Variants in ANKRD13C observed in about 807,000 individuals in gnomAD.
The protein encoded by ANKRD13C is ankyrin repeat domain-containing protein 13C.
A neutral mutation model predicts 65.5 loss-of-function variants in ANKRD13C; 16 were observed. The ratio of observed to expected loss-of-function variants is 0.24; its 90% CI spans 0.17 to 0.37. The LOEUF (loss-of-function observed/expected upper bound fraction) is 0.37, where lower values mean the gene tolerates loss of function less well. ANKRD13C is among the 10% of genes least tolerant of loss of function. The pLI is 1.00. For missense variants in ANKRD13C, 503 were observed against 655.9 expected, an observed-to-expected ratio of 0.77 and a Z score of 2.55; for synonymous variants, 235 against 238.7, an observed-to-expected ratio of 0.98 and a Z score of 0.14.
intron 4 of ANKRD13C, among the ~76,000 whole-genome samples, chr1:70,314,030 A>C (rs1401397958): frequency 1.3e-5 from 2 of 151,762 alleles, no homozygotes; most frequent in Non-Finnish European, 2.9e-5. Context: ...AAATAACAAT[A>C]ATAATAAATA....
chr1:70,349,546 TA>T (rs1682661867), intron 1 of ANKRD13C, among the ~76,000 whole-genome samples: 1 of 150,354 alleles, frequency 6.7e-6, no homozygotes, highest in African/African-American at 2.4e-5. Flanking sequence ...ACCACAAAAG[TA>T]AAAGCTCTAT....
At chr1:70,274,498 A>G (rs1167982992) in intron 11 of ANKRD13C, among the ~76,000 whole-genome samples, 2 of 142,888 alleles carry the variant, frequency 1.4e-5, no homozygotes, top group Non-Finnish European at 3.0e-5. Flanking sequence ...AAAAAAAAAG[A>G]AAGAAAGAAA....
rs1423371773 is a variant in ANKRD13C, at chr1:70,279,490, T to C, written c.1216-2646A>G. 1.3e-5 allele frequency among the ~76,000 whole-genome samples: 2 copies of C among 151,188 alleles called. 1 individual carries two copies. The highest frequency in any genetic ancestry group is 4.2e-4 in the South Asian group (2 of 4,786). The stretch of plus-strand genomic sequence containing the variant: ...ATATAAGTAGAGTTCTAAGCCACTA[T>C]TTTGAGCTACTTTTTTTTTTTTTTT... On this transcript the variant is annotated intron_variant, in intron 9 of 12. Coordinates refer to ENST00000370944, the MANE Select transcript of ANKRD13C (RefSeq NM_030816.5).
intron 3 of ANKRD13C, among the ~76,000 whole-genome samples, chr1:70,318,738 A>C (rs532156213): frequency 1.5e-5 from 2 of 133,370 alleles, no homozygotes; most frequent in South Asian, 4.7e-4. Context: ...GCTGGAATGC[A>C]GCGGCGCAAT....
chr1:70,306,512 C>A (rs1161911597), intron 5 of ANKRD13C, among the ~76,000 whole-genome samples: 1 of 152,054 alleles, frequency 6.6e-6, no homozygotes, highest in Non-Finnish European at 1.5e-5. Context: ...TTACTATACT[C>A]CCATCCCACC....
intron 5 of ANKRD13C, among the ~76,000 whole-genome samples, chr1:70,313,134 A>G (rs1045116479): frequency 2.0e-5 from 3 of 152,268 alleles, no homozygotes; most frequent in African/African-American, 7.2e-5. Flanking sequence ...CCCATAATTA[A>G]TTTTCTTTTC....
At chr1:70,349,112 T>A (rs1682643723) in intron 1 of ANKRD13C, among the ~76,000 whole-genome samples, 1 of 152,200 alleles carries the variant, frequency 6.6e-6, no homozygotes, top group African/African-American at 2.4e-5. Flanking sequence ...CTTCTATACG[T>A]TTCATATTCT....
At chr1:70,319,699 G>A (rs1407455674) in intron 3 of ANKRD13C, among the ~76,000 whole-genome samples, 2 of 144,166 alleles carry the variant, frequency 1.4e-5, no homozygotes, top group Admixed American at 7.2e-5. Flanking sequence ...TTCCACTCTC[G>A]CACAGTAGAA....
At chr1:70,311,132 T>C (rs368608237) in intron 5 of ANKRD13C, among the ~76,000 whole-genome samples, 1 of 152,166 alleles carries the variant, frequency 6.6e-6, no homozygotes, top group South Asian at 2.1e-4. Flanking sequence ...CCATAAAGTA[T>C]TATGTAGCTG....
chr1:70,354,455 C>G lies in ANKRD13C; in HGVS notation c.-47G>C. 2 of 1,566,614 alleles carry G rather than the reference C, an allele frequency of 1.3e-6. No individual in the cohort carries two copies. Among genetic ancestry groups the G allele is most frequent in the Non-Finnish European group, 1.7e-6 (2 of 1,157,796 alleles). On this transcript the variant is annotated 5_prime_UTR_variant, in exon 1 of 13. Coordinates refer to ENST00000370944, the MANE Select transcript of ANKRD13C (RefSeq NM_030816.5). The stretch of plus-strand genomic sequence containing the variant: ...GGGGAATCGGGAGGCTCACCGCTGG[C>G]GACGGAGCTGGCGCTGCGGCGGCAC...
At chr1:70,264,264 T>C (rs921883259) in intron 12 of ANKRD13C, among the ~76,000 whole-genome samples, 2 of 151,880 alleles carry the variant, frequency 1.3e-5, no homozygotes, top group African/African-American at 4.8e-5. Context: ...TCACTTGAGG[T>C]CAGGAGTTTG....
intron 11 of ANKRD13C, among the ~76,000 whole-genome samples, chr1:70,272,990 AAAATAAAT>A (rs56932890): frequency 1.3e-3 from 196 of 147,184 alleles, no homozygotes; most frequent in African/African-American, 3.2e-3. Context: ...TCTGTCTCAA[AAAATAAAT>A]AAATAAATAA....
Position 70,277,752 on chromosome 1 carries a change from CA to C in ANKRD13C, c.1216-909del, listed in dbSNP as rs1181702457. ...CTGATTTAAACTCAGATGGGAAGTT[CA>C]AAACGGAGATCAACAGTAGATGGTA... On this transcript the variant is annotated intron_variant, in intron 9 of 12. Coordinates refer to ENST00000370944, the MANE Select transcript of ANKRD13C (RefSeq NM_030816.5). Among the ~76,000 whole-genome samples, 5 of 152,148 alleles carry C rather than the reference CA, an allele frequency of 3.3e-5. No individual in the cohort carries two copies. In the East Asian group the frequency reaches 7.7e-4, roughly 24 times the overall value.
At chr1:70,264,471 A>C (rs1378073405) in intron 12 of ANKRD13C, among the ~76,000 whole-genome samples, 1 of 118,250 alleles carries the variant, frequency 8.5e-6, no homozygotes, top group Admixed American at 9.2e-5. Flanking sequence ...GCAAGACTCT[A>C]TCTCAAAAAA....
intron 7 of ANKRD13C, 98 bp downstream of exon 7, chr1:70,300,666 T>C: frequency 8.8e-7 from 1 of 1,133,936 alleles, no homozygotes; most frequent in South Asian, 2.0e-5. Flanking sequence ...ATCTCAATTA[T>C]ACCTTAAGCT....
In ANKRD13C at chr1:70,300,819, T is replaced by C; in HGVS notation, c.866A>G (p.Glu289Gly). ...TTCATTGTCTAATACTACAAAAGAT[T>C]CAGAGGGCGCCGCATCCCCATTGAA... ...FIFNGDAAPS[E>G]SFVVLDNEQK... Residue 289 changes from glutamate to glycine, a missense_variant, in exon 7 of 13, where the codon GAA becomes GGA. Glu to Gly is a moderately conservative substitution (Grantham distance 98). Around this residue, in one of 2 missense-constraint regions of ANKRD13C, gnomAD observed 300 missense variants for 478.3 expected, o/e 0.63. Transcript: ENST00000370944. The C allele has an allele frequency of 6.2e-7, 1 of 1,613,612 alleles. No homozygotes were observed. Among genetic ancestry groups the C allele is most frequent in the Non-Finnish European group, 8.5e-7 (1 of 1,179,824 alleles).
rs757670074 is a variant in ANKRD13C, at chr1:70,262,741, G to T, written c.1602C>A (p.Asp534Glu). Residue 534 changes from aspartate (D) to glutamate (E), a missense_variant, in exon 13 of 13, where the codon GAC (aspartate) becomes GAA (glutamate). Transcript: ENST00000370944. Reference protein sequence around the residue: ...IFTIPDDYKEDPSRFPDL With the variant: ...IFTIPDDYKEEPSRFPDL ...GTTAAAGATCAGGAAAACGGCTTGGGTCTTCCTTGTAGTCATCAGGTATAG... is the reference window on the plus strand; with the variant it reads ...GTTAAAGATCAGGAAAACGGCTTGGTTCTTCCTTGTAGTCATCAGGTATAG... The T allele has an allele frequency of 1.2e-6, 2 of 1,612,286 alleles. No homozygotes were observed. The highest frequency in any genetic ancestry group is 3.3e-5 in the Admixed American group (2 of 59,932).
intron 9 of ANKRD13C, among the ~76,000 whole-genome samples, chr1:70,286,921 G>A (rs1679647833): frequency 1.3e-5 from 2 of 152,234 alleles, no homozygotes; most frequent in African/African-American, 4.8e-5. Flanking sequence ...GGCAGGCAGA[G>A]TTGCAGTGAG....
At chr1:70,327,586 G>A (rs1439441158) in intron 2 of ANKRD13C, among the ~76,000 whole-genome samples, 1 of 152,136 alleles carries the variant, frequency 6.6e-6, no homozygotes, top group Non-Finnish European at 1.5e-5. Flanking sequence ...GGAACAATTG[G>A]AGAAATCTCA....
Sources: gnomAD v4.1 joint callset for allele counts (sites outside exome capture counted in the v4.1 genomes callset) on GRCh38, gnomAD v4.1.1 for gene constraint, gnomAD v4.1.1 regional missense constraint, MANE v1.5 for transcripts, NCBI Gene and HGNC (gene_info 2026-07-23, HGNC 2026-07-21) for gene names.